The following CERS6 variants were observed in gnomAD, a reference collection of about 807,000 sequenced individuals.
CERS6 encodes ceramide synthase 6, also known as LAG1 homolog, ceramide synthase 6.
A neutral mutation model predicts 56.8 loss-of-function variants in CERS6; 26 were observed. The observed-to-expected ratio is 0.46, with a 90% confidence interval of 0.34 to 0.63. The LOEUF is 0.63. Ranked by LOEUF, CERS6 falls within the 30% of genes least tolerant of loss-of-function variation. CERS6 has a pLI of 0.01. For synonymous variants in CERS6, 164 were observed against 173.3 expected, an observed-to-expected ratio of 0.95 and a Z score of 0.42; for missense variants, 415 against 467.5, an observed-to-expected ratio of 0.89 and a Z score of 1.04.
intron 1 of CERS6, among the ~76,000 whole-genome samples, chr2:168,538,058 G>A (rs1372042667): frequency 6.6e-6 from 1 of 152,030 alleles, no homozygotes; most frequent in African/African-American, 2.4e-5. Flanking sequence ...CTCTTTTGCT[G>A]CCACCACCTC....
chr2:168,461,525 A>G (rs1693781631), intron 1 of CERS6, among the ~76,000 whole-genome samples: 1 of 152,008 alleles, frequency 6.6e-6, no homozygotes, highest in South Asian at 2.1e-4. Context: ...TCTGAATGAC[A>G]GTGGATGTTT....
chr2:168,766,947 T>C (rs1014343748), intron 9 of CERS6, among the ~76,000 whole-genome samples: 1 of 152,254 alleles, frequency 6.6e-6, no homozygotes, highest in Non-Finnish European at 1.5e-5. Context: ...CTAAAGTTCA[T>C]TTTTCTCTGT....
At chr2:168,513,539 CAT>C (rs1553486591) in intron 1 of CERS6, among the ~76,000 whole-genome samples, 1 of 152,108 alleles carries the variant, frequency 6.6e-6, no homozygotes, top group Non-Finnish European at 1.5e-5. Flanking sequence ...GTTTTCGAAC[CAT>C]GACTGGACTC....
intron 6 of CERS6, 115 bp from the exon 7 acceptor site, chr2:168,714,886 A>G (rs1293710183): frequency 2.3e-6 from 2 of 867,400 alleles, no homozygotes; most frequent in Non-Finnish European, 3.5e-6. Context: ...TACCTTATTC[A>G]TCCTCAGTGC....
intron 8 of CERS6, among the ~76,000 whole-genome samples, chr2:168,748,259 G>A (rs2105441249): frequency 6.6e-6 from 1 of 152,246 alleles, no homozygotes; most frequent in South Asian, 2.1e-4. Context: ...CTTGTTGACT[G>A]TAACCATTTT....
At chr2:168,618,222 A>G (rs1684366306) in intron 3 of CERS6, among the ~76,000 whole-genome samples, 1 of 152,168 alleles carries the variant, frequency 6.6e-6, no homozygotes. Context: ...GGCATTCAGC[A>G]GACATACCTG....
At chr2:168,678,227 A>G (rs1337622646) in intron 4 of CERS6, among the ~76,000 whole-genome samples, 1 of 152,176 alleles carries the variant, frequency 6.6e-6, no homozygotes, top group Non-Finnish European at 1.5e-5. Context: ...TTGACTTCAT[A>G]CCTTCCTAAA....
At chr2:168,736,433 C>T (rs1683719877) in intron 8 of CERS6, among the ~76,000 whole-genome samples, 1 of 152,082 alleles carries the variant, frequency 6.6e-6, no homozygotes, top group Non-Finnish European at 1.5e-5. Context: ...CTCAAGGGAT[C>T]CTCCTGCCTC....
chr2:168,718,661 G>A (rs967956752), intron 8 of CERS6, among the ~76,000 whole-genome samples: 2 of 152,114 alleles, frequency 1.3e-5, no homozygotes, highest in African/African-American at 2.4e-5. Flanking sequence ...GAAGAAAAAC[G>A]TTGACCAAGA....
At chr2:168,538,543 C>T (rs1240767790) in intron 1 of CERS6, among the ~76,000 whole-genome samples, 2 of 152,122 alleles carry the variant, frequency 1.3e-5, no homozygotes, top group Admixed American at 1.3e-4. Context: ...AAATGACAGC[C>T]CTACCTAGGT....
intron 1 of CERS6, among the ~76,000 whole-genome samples, chr2:168,484,666 C>G (rs1694243451): frequency 6.6e-6 from 1 of 152,136 alleles, no homozygotes; most frequent in African/African-American, 2.4e-5. Flanking sequence ...AGAATTTATG[C>G]TCACTTGTGT....
chr2:168,462,088 G>A (rs1693789779), intron 1 of CERS6, among the ~76,000 whole-genome samples: 1 of 152,190 alleles, frequency 6.6e-6, no homozygotes, highest in South Asian at 2.1e-4. Context: ...TATATTAAAA[G>A]TTTCAAATGT....
At chr2:168,643,824 G>A (rs922185246) in intron 4 of CERS6, among the ~76,000 whole-genome samples, 7 of 152,004 alleles carry the variant, frequency 4.6e-5, no homozygotes, top group Non-Finnish European at 8.8e-5. Flanking sequence ...CTATACGCCC[G>A]GATAATTTCT....
intron 6 of CERS6, among the ~76,000 whole-genome samples, chr2:168,695,301 C>T (rs917326896): frequency 1.5e-4 from 23 of 152,112 alleles, no homozygotes; most frequent in East Asian, 1.9e-4. Context: ...AATGAATCCC[C>T]GTAGAAATGA....
At chr2:168,510,719 A>G (rs1558978062) in intron 1 of CERS6, among the ~76,000 whole-genome samples, 1 of 152,168 alleles carries the variant, frequency 6.6e-6, no homozygotes, top group East Asian at 1.9e-4. Flanking sequence ...AGTTTTTAAA[A>G]TTTATATTGT....
At chr2:168,558,250 C>G (rs1695718507) in intron 2 of CERS6, among the ~76,000 whole-genome samples, 2 of 152,284 alleles carry the variant, frequency 1.3e-5, no homozygotes, top group Non-Finnish European at 2.9e-5. Context: ...CGATCTACAA[C>G]TTTCACTTTC....
intron 4 of CERS6, among the ~76,000 whole-genome samples, chr2:168,679,972 A>C (rs983369263): frequency 1.3e-5 from 2 of 152,236 alleles, no homozygotes; most frequent in Non-Finnish European, 2.9e-5. Context: ...AAAGAGCATG[A>C]AACCGCAGGG....
intron 8 of CERS6, among the ~76,000 whole-genome samples, chr2:168,730,642 A>T (rs1050457870): frequency 1.3e-5 from 2 of 152,174 alleles, no homozygotes; most frequent in African/African-American, 4.8e-5. Flanking sequence ...TAGGTGCCCA[A>T]CCTCAAATTC....
chr2:168,640,824 G>T (rs1371921983), intron 4 of CERS6, among the ~76,000 whole-genome samples: 1 of 152,166 alleles, frequency 6.6e-6, no homozygotes, highest in Admixed American at 6.5e-5. Context: ...AAAGATACCT[G>T]GTGTTTGTGT....
Sources: allele counts gnomAD v4.1 joint callset (sites outside exome capture counted in the v4.1 genomes callset), GRCh38; gene constraint gnomAD v4.1.1; transcripts MANE v1.5; gene names NCBI Gene and HGNC (gene_info 2026-07-23, HGNC 2026-07-21).